Variants in ACACA observed in about 807,000 individuals in gnomAD.
ACACA encodes acetyl-CoA carboxylase alpha.
ACACA carries 103 observed loss-of-function variants against 296.1 expected under a neutral mutation model. The ratio of observed to expected loss-of-function variants is 0.35; its 90% CI spans 0.30 to 0.41. ACACA has a LOEUF of 0.41. Ranked by LOEUF, ACACA falls within the 10% of genes least tolerant of loss-of-function variation. ACACA has a pLI of 1.00. For synonymous variants in ACACA, 953 were observed against 1,038.6 expected, an observed-to-expected ratio of 0.92 and a Z score of 1.58; for missense variants, 1,554 against 2,989.7, an observed-to-expected ratio of 0.52 and a Z score of 11.20.
At chr17:37,089,946 T>C (rs1205858453) in intron 54 of ACACA, among the ~76,000 whole-genome samples, 1 of 152,178 alleles carries the variant, frequency 6.6e-6, no homozygotes, top group Non-Finnish European at 1.5e-5. Context: ...ATTTATGTCA[T>C]TTTGTTTGGG....
chr17:37,085,757 C>T lies in ACACA; in HGVS notation c.*1559G>A. 1 of 399,262 alleles carries T rather than the reference C, an allele frequency of 2.5e-6. No individual in the cohort carries two copies. The highest frequency in any genetic ancestry group is 4.4e-6 in the Non-Finnish European group (1 of 226,250). 24.7% of individuals were successfully genotyped at this position (399,262 alleles called of 1,614,324 possible). On this transcript the variant is annotated 3_prime_UTR_variant, in exon 56 of 56. Transcript: ENST00000616317. ...AGCCAATCTATCCGCACAGATTCCT[C>T]CTGAAGAAGGGGAGGTGGAGCTCGT...
chr17:37,223,789 GTATTA>G (rs535317026), intron 27 of ACACA, among the ~76,000 whole-genome samples, 188 bp from the exon 28 acceptor site: 86 of 152,330 alleles, frequency 5.6e-4, no homozygotes, highest in African/African-American at 1.9e-3. Flanking sequence ...TAGGGCTGTT[GTATTA>G]TATGAGTAAA....
At chr17:37,148,179 C>T (rs1278382665) in intron 45 of ACACA, among the ~76,000 whole-genome samples, 1 of 150,932 alleles carries the variant, frequency 6.6e-6, no homozygotes, top group African/African-American at 2.4e-5. Flanking sequence ...CTAAAATTAT[C>T]TTTGGCATTC....
chr17:37,391,959 A>G, intron 1 of ACACA: 1 of 537,816 alleles, frequency 1.9e-6, no homozygotes. Flanking sequence ...ATACCTTTCC[A>G]TCCCCTCAAA....
At chr17:37,143,456 C>T (rs2075682207) in intron 45 of ACACA, among the ~76,000 whole-genome samples, 5 of 152,112 alleles carry the variant, frequency 3.3e-5, no homozygotes, top group Admixed American at 3.3e-4. Context: ...TTTACAACCC[C>T]CATCCTGTAC....
chr17:37,385,332 G>C (rs2050478294), intron 1 of ACACA, among the ~76,000 whole-genome samples: 2 of 152,120 alleles, frequency 1.3e-5, no homozygotes, highest in Non-Finnish European at 2.9e-5. Context: ...AATTAGCCGG[G>C]TGCGATGGCA....
intron 29 of ACACA, among the ~76,000 whole-genome samples, chr17:37,211,889 TCTCA>T (rs539607622): frequency 8.1e-4 from 124 of 152,278 alleles, no homozygotes; most frequent in Non-Finnish European, 1.4e-3. Flanking sequence ...TCCTTAAGCC[TCTCA>T]CTCAGGAGAG....
chr17:37,392,118 A>C (rs938627494), intron 1 of ACACA: 16 of 192,920 alleles, frequency 8.3e-5, no homozygotes, highest in Non-Finnish European at 1.1e-5. Flanking sequence ...CTGACTTCAC[A>C]CTCACTGGCC....
intron 37 of ACACA, 37 bp downstream of exon 37, chr17:37,192,053 C>T (rs758260891): frequency 1.5e-5 from 23 of 1,585,522 alleles, no homozygotes; most frequent in Non-Finnish European, 1.9e-5. Context: ...CTGTCCCTTC[C>T]CTCAGGGATA....
rs1290257455 is a variant in ACACA at position 37,097,782 on chromosome 17, T to A, written c.6720+48A>T. The A allele has an allele frequency of 6.2e-7, 1 of 1,609,368 alleles. No homozygotes were observed. The highest frequency in any genetic ancestry group is 1.3e-5 in the African/African-American group (1 of 74,866). ...GCCTGTGTGCAACACACACACACAC[T>A]TGCCCACATGTGGGCCTCTGACAAG... On this transcript the variant is annotated intron_variant, in intron 53 of 55. Coordinates refer to ENST00000616317, the MANE Select transcript of ACACA (RefSeq NM_198834.3). The surrounding 1 kb of genome is among the most constrained non-coding windows in gnomAD (Gnocchi z 4.8).
At chr17:37,221,171 T>C (rs193272811) in intron 29 of ACACA, among the ~76,000 whole-genome samples, 8 of 152,360 alleles carry the variant, frequency 5.3e-5, no homozygotes, top group Admixed American at 5.2e-4. Context: ...ACAAATAATG[T>C]AATTATCATG....
At chr17:37,297,420 G>A (rs1310237067) in intron 3 of ACACA, among the ~76,000 whole-genome samples, 1 of 139,364 alleles carries the variant, frequency 7.2e-6, no homozygotes, top group Non-Finnish European at 1.5e-5. Flanking sequence ...TAGCATGGGC[G>A]ACAAAAGTGA....
intron 33 of ACACA, among the ~76,000 whole-genome samples, chr17:37,202,148 C>T (rs1276696420): frequency 2.0e-5 from 3 of 152,174 alleles, no homozygotes; most frequent in Non-Finnish European, 4.4e-5. Flanking sequence ...AACAGAAATA[C>T]TTCTTCTGAC....
Position 37,311,884 on chromosome 17 carries a change from AAAG to A in ACACA, c.338+18286_338+18288del, listed in dbSNP as rs1167318236. 2.0e-3 allele frequency among the ~76,000 whole-genome samples: 305 copies of A among 151,768 alleles called. 1 individual carries two copies. The highest frequency in any genetic ancestry group is 5.7e-3 in the African/African-American group (234 of 41,390). The stretch of plus-strand genomic sequence containing the variant: ...AAGACCCTGTCTCAAAAAAAAAAAA[AAAG>A]AAGAAGAAGAAGGAGAAGAGAAAAA... On this transcript the variant is annotated intron_variant, in intron 3 of 55. Transcript: ENST00000616317.
rs144635283 is a variant in ACACA at position 37,221,707 on chromosome 17, T to A, written c.3683+17A>T. 516 of 1,597,262 alleles carry A rather than the reference T, an allele frequency of 3.2e-4. No homozygotes were observed. The African/African-American group carries it at 6.0e-3, about 18-fold the overall frequency. ...TACCTCTGGCTGGCTCGGGTGCACA[T>A]ACCACCTCAAACTCACCTGTTTGGA... On this transcript the variant is annotated intron_variant, in intron 29 of 55. Transcript: ENST00000616317.
At chr17:37,191,417 A>G in intron 37 of ACACA, 142 bp from the exon 38 acceptor site, 1 of 880,802 alleles carries the variant, frequency 1.1e-6, no homozygotes, top group Non-Finnish European at 1.8e-6. Context: ...CCCTAGAGTC[A>G]GTCCAGTAAC....
chr17:37,327,042 G>T (rs951139123), intron 3 of ACACA, among the ~76,000 whole-genome samples: 2 of 152,088 alleles, frequency 1.3e-5, no homozygotes, highest in Admixed American at 6.6e-5. Flanking sequence ...GGTTTCAGAT[G>T]ACCTCCAGTT....
intron 1 of ACACA, among the ~76,000 whole-genome samples, chr17:37,385,595 T>C (rs2050491568): frequency 6.6e-6 from 1 of 152,194 alleles, no homozygotes; most frequent in African/African-American, 2.4e-5. Flanking sequence ...TAGATTCTAC[T>C]AGACACACTT....
chr17:37,386,103 A>C (rs1379965215), intron 1 of ACACA: 1 of 1,586,670 alleles, frequency 6.3e-7, no homozygotes, highest in Non-Finnish European at 8.6e-7. Flanking sequence ...GGAATAAAGA[A>C]GGAGAGAAAA....
Sources: allele counts gnomAD v4.1 joint callset (sites outside exome capture counted in the v4.1 genomes callset), GRCh38; gene constraint gnomAD v4.1.1; non-coding constraint Gnocchi (gnomAD v3.1); transcripts MANE v1.5; gene names NCBI Gene and HGNC (gene_info 2026-07-23, HGNC 2026-07-21).